Variants in MCTP1 observed in about 807,000 individuals in gnomAD.
MCTP1 encodes the protein multiple C2 and transmembrane domain-containing protein 1.
In MCTP1, 69 loss-of-function variants were observed where a neutral mutation model predicts 120.6. The ratio of observed to expected loss-of-function variants is 0.57; its 90% CI spans 0.47 to 0.70. The LOEUF is 0.70. MCTP1 is among the 30% of genes least tolerant of loss of function. The pLI is 0.00. For synonymous variants in MCTP1, 529 were observed against 493.1 expected (o/e 1.07, Z -0.96); for missense variants, 1,203 against 1,248.8 (o/e 0.96, Z 0.55).
chr5:95,098,936 G>A (rs1296217893), intron 1 of MCTP1, among the ~76,000 whole-genome samples: 6 of 152,098 alleles, frequency 3.9e-5, no homozygotes, highest in Non-Finnish European at 1.5e-5. Flanking sequence ...ATAGATTAAT[G>A]GAACAGAACA....
intron 18 of MCTP1, among the ~76,000 whole-genome samples, chr5:94,783,476 G>A (rs962010531): frequency 6.6e-6 from 1 of 152,012 alleles, no homozygotes; most frequent in Non-Finnish European, 1.5e-5. Flanking sequence ...AATGTTATTT[G>A]ACTGGAAATG....
chr5:94,782,169 G>A (rs1223421341), intron 18 of MCTP1, among the ~76,000 whole-genome samples: 2 of 152,052 alleles, frequency 1.3e-5, no homozygotes, highest in African/African-American at 4.8e-5. Context: ...GTCAAAGGAA[G>A]TACTCAAAAA....
At chr5:95,012,519 T>C (rs1836217879) in intron 2 of MCTP1, among the ~76,000 whole-genome samples, 1 of 152,172 alleles carries the variant, frequency 6.6e-6, no homozygotes, top group Non-Finnish European at 1.5e-5. Context: ...ACTACCTTGA[T>C]CAAGTCTATC....
intron 1 of MCTP1, among the ~76,000 whole-genome samples, chr5:95,270,435 TAATA>T (rs1435803238): frequency 1.3e-5 from 2 of 152,216 alleles, no homozygotes; most frequent in African/African-American, 4.8e-5. Flanking sequence ...GCCTTATACA[TAATA>T]AATGTTACAT....
intron 1 of MCTP1, among the ~76,000 whole-genome samples, chr5:95,205,516 C>T (rs561593406): frequency 2.0e-5 from 3 of 152,052 alleles, no homozygotes; most frequent in African/African-American, 7.2e-5. Context: ...AAATAATTTG[C>T]GTTTCAAAGG....
chr5:95,081,322 A>G (rs1328660896), intron 1 of MCTP1: 2 of 920,576 alleles, frequency 2.2e-6, no homozygotes, highest in East Asian at 5.2e-5. Context: ...GCAACCTTCA[A>G]TACCCCGTGA....
At chr5:95,116,450 T>C (rs1757832423) in intron 1 of MCTP1, among the ~76,000 whole-genome samples, 2 of 152,182 alleles carry the variant, frequency 1.3e-5, no homozygotes, top group Non-Finnish European at 2.9e-5. Flanking sequence ...GTGGTATAGT[T>C]TGAAGTTAGG....
intron 5 of MCTP1, among the ~76,000 whole-genome samples, chr5:94,938,162 T>C (rs1482383846): frequency 6.6e-6 from 1 of 152,050 alleles, no homozygotes; most frequent in Non-Finnish European, 1.5e-5. Context: ...TTTTCTACAA[T>C]GCAGCCACAG....
chr5:94,933,036 C>G lies in MCTP1; in HGVS notation c.1174-1045G>C, dbSNP rs956122639. ...AGACATTCTAGGGTAAAAACTAAGA[C>G]TAGCGTAACATTTTCAAAGATAATT... On this transcript the variant is annotated intron_variant, in intron 5 of 22. Transcript: ENST00000515393. 2.6e-5 allele frequency among the ~76,000 whole-genome samples: 4 copies of G among 152,020 alleles called. No individual in the cohort carries two copies. In the South Asian group the frequency reaches 6.2e-4, roughly 24 times the overall value.
At chr5:95,210,352 G>A (rs527688861) in intron 1 of MCTP1, among the ~76,000 whole-genome samples, 2 of 150,660 alleles carry the variant, frequency 1.3e-5, no homozygotes, top group African/African-American at 4.9e-5. Flanking sequence ...ATGAATCTGG[G>A]TGCTCCTGTA....
chr5:95,218,844 G>T (rs572995723), intron 1 of MCTP1, among the ~76,000 whole-genome samples: 1 of 152,150 alleles, frequency 6.6e-6, no homozygotes, highest in South Asian at 2.1e-4. Flanking sequence ...GAATACTATA[G>T]GCAAATTTAA....
intron 1 of MCTP1, among the ~76,000 whole-genome samples, chr5:95,145,006 T>A (rs1012138709): frequency 2.6e-5 from 4 of 152,156 alleles, no homozygotes. Context: ...GCCATTTTAA[T>A]GATATTGATT....
chr5:94,940,837 T>C (rs1010357682), intron 4 of MCTP1, among the ~76,000 whole-genome samples: 7 of 151,468 alleles, frequency 4.6e-5, no homozygotes, highest in Non-Finnish European at 1.0e-4. Flanking sequence ...TTACATAGTA[T>C]AATAACATAA....
At chr5:95,276,872 A>G (rs1759889210) in intron 1 of MCTP1, among the ~76,000 whole-genome samples, 1 of 151,974 alleles carries the variant, frequency 6.6e-6, no homozygotes, top group Non-Finnish European at 1.5e-5. Flanking sequence ...GAATGGCGTG[A>G]ACCCAGGAGG....
intron 2 of MCTP1, among the ~76,000 whole-genome samples, chr5:94,992,264 A>C (rs953473162): frequency 2.6e-5 from 4 of 152,118 alleles, no homozygotes; most frequent in African/African-American, 9.7e-5. Context: ...CGTTTTAGTT[A>C]ATATGATGCT....
intron 19 of MCTP1, among the ~76,000 whole-genome samples, chr5:94,739,916 C>T (rs1439951677): frequency 2.6e-5 from 4 of 152,190 alleles, no homozygotes; most frequent in Non-Finnish European, 5.9e-5. Context: ...GATCCACCCA[C>T]CTCAGTCTCC....
chr5:94,990,969 G>C (rs938659251), intron 2 of MCTP1, among the ~76,000 whole-genome samples: 4 of 152,032 alleles, frequency 2.6e-5, no homozygotes, highest in African/African-American at 9.7e-5. Flanking sequence ...CTTACTAAAA[G>C]AGGTGTGCAA....
chr5:95,010,618 A>C (rs1835748829), intron 2 of MCTP1, among the ~76,000 whole-genome samples: 1 of 152,182 alleles, frequency 6.6e-6, no homozygotes, highest in African/African-American at 2.4e-5. Context: ...CGCTAATGCC[A>C]GGCAAGTAAG....
intron 19 of MCTP1, among the ~76,000 whole-genome samples, chr5:94,770,876 G>A (rs915625845): frequency 3.9e-5 from 6 of 152,112 alleles, no homozygotes; most frequent in Admixed American, 1.3e-4. Flanking sequence ...ATTCCTCACC[G>A]TGCCTAATCA....
Sources: allele counts gnomAD v4.1 joint callset (sites outside exome capture counted in the v4.1 genomes callset), GRCh38; gene constraint gnomAD v4.1.1; transcripts MANE v1.5; gene names NCBI Gene and HGNC (gene_info 2026-07-23, HGNC 2026-07-21).